UTRN: variants seen among roughly 807,000 people sequenced by gnomAD.
The protein encoded by UTRN is dystrophin-related protein 1.
UTRN carries 283 observed loss-of-function variants against 463.9 expected under a neutral mutation model. The observed-to-expected ratio is 0.61, with a 90% CI of 0.55 to 0.67. The LOEUF is 0.67. Ranked by LOEUF, UTRN falls within the 30% of genes least tolerant of loss-of-function variation. The probability of loss-of-function intolerance (pLI) is 0.00; values close to 1 mark genes in which losing one functional copy is unlikely to be tolerated. For synonymous variants in UTRN, 1,442 were observed against 1,431.5 expected (o/e 1.01, Z -0.17); for missense variants, 3,922 against 4,084.3 (o/e 0.96, Z 1.08).
intron 51 of UTRN, among the ~76,000 whole-genome samples, chr6:144,588,243 C>T (rs1291595588): frequency 6.6e-6 from 1 of 152,060 alleles, no homozygotes; most frequent in African/African-American, 2.4e-5. Context: ...AGCTCTTGGA[C>T]CTCTGTTTTG....
At chr6:144,428,217 G>A (rs1214034093) in intron 7 of UTRN, among the ~76,000 whole-genome samples, 1 of 152,160 alleles carries the variant, frequency 6.6e-6, no homozygotes, top group Non-Finnish European at 1.5e-5. Context: ...GTAGTAGCAT[G>A]GAAGCAGGGG....
chr6:144,363,396 G>T (rs563901134), intron 2 of UTRN, among the ~76,000 whole-genome samples: 1 of 152,322 alleles, frequency 6.6e-6, no homozygotes, highest in East Asian at 1.9e-4. Context: ...CTGGTGAGGT[G>T]TAAGATGGTT....
At chr6:144,614,253 A>G (rs974704987) in intron 51 of UTRN, among the ~76,000 whole-genome samples, 5 of 152,140 alleles carry the variant, frequency 3.3e-5, no homozygotes, top group African/African-American at 9.7e-5. Flanking sequence ...ATATAAATTC[A>G]AATATTATCT....
At chr6:144,788,583 G>GTTTTTTTTTTTTTTTTTTTT (rs1776489103) in intron 61 of UTRN, among the ~76,000 whole-genome samples, 1 of 74,380 alleles carries the variant, frequency 1.3e-5, no homozygotes. Flanking sequence ...TTTTTTTTTT[G>GTTTTTTTTTTTTTTTTTTTT]AGATGGAGTC....
chr6:144,354,387 G>A (rs554236075), intron 2 of UTRN, among the ~76,000 whole-genome samples: 16 of 152,310 alleles, frequency 1.1e-4, no homozygotes, highest in African/African-American at 3.6e-4. Flanking sequence ...TTCTTCCACC[G>A]AAAGGACAAT....
intron 2 of UTRN, among the ~76,000 whole-genome samples, chr6:144,388,040 A>G (rs983644854): frequency 1.3e-5 from 2 of 152,246 alleles, no homozygotes; most frequent in African/African-American, 4.8e-5. Context: ...GGTGCATTAA[A>G]GAAAAAATGT....
intron 3 of UTRN, among the ~76,000 whole-genome samples, chr6:144,418,557 GTTGTTTGT>G (rs375309361): frequency 1.3e-5 from 2 of 150,748 alleles, no homozygotes; most frequent in Admixed American, 6.6e-5. Flanking sequence ...TTTTGTTGTT[GTTGTTTGT>G]TTGTTTGTTT....
At chr6:144,600,992 C>A (rs935113226) in intron 51 of UTRN, among the ~76,000 whole-genome samples, 2 of 152,126 alleles carry the variant, frequency 1.3e-5, no homozygotes, top group Non-Finnish European at 2.9e-5. Flanking sequence ...ATAAATGGAA[C>A]AACAAAGCCT....
At chr6:144,789,380 T>C in intron 62 of UTRN, 101 bp downstream of exon 62, 1 of 1,020,832 alleles carries the variant, frequency 9.8e-7, no homozygotes. Flanking sequence ...GTAGTAATAG[T>C]TCTCTCTCTT....
chr6:144,825,379 C>G lies in UTRN; in HGVS notation c.9495-1969C>G, dbSNP rs532816964. 5.9e-5 allele frequency among the ~76,000 whole-genome samples: 9 copies of G among 152,268 alleles called. No individual in the cohort carries two copies. In the South Asian group the frequency reaches 1.5e-3, roughly 25 times the overall value. Reference sequence around the variant, plus strand: ...GTAACTATGCAGTTTCTTATTTTCTCCTTTCAGAATTAAATGAAAAAGCTT... The same window carrying G: ...GTAACTATGCAGTTTCTTATTTTCTGCTTTCAGAATTAAATGAAAAAGCTT... On this transcript the variant is annotated intron_variant, in intron 66 of 74. Coordinates refer to ENST00000367545, the MANE Select transcript of UTRN (RefSeq NM_007124.3).
At chr6:144,434,782 G>A (rs1786370204) in intron 9 of UTRN, among the ~76,000 whole-genome samples, 1 of 152,134 alleles carries the variant, frequency 6.6e-6, no homozygotes, top group Non-Finnish European at 1.5e-5. Flanking sequence ...AGGAAACCAG[G>A]GCAGTGTCAC....
intron 2 of UTRN, among the ~76,000 whole-genome samples, chr6:144,390,441 T>C (rs561670444): frequency 6.6e-6 from 1 of 152,340 alleles, no homozygotes; most frequent in South Asian, 2.1e-4. Flanking sequence ...CTTCTGATCA[T>C]GTCACGCTCT....
chr6:144,463,821 T>G (rs1309164134), intron 23 of UTRN, among the ~76,000 whole-genome samples: 3 of 151,548 alleles, frequency 2.0e-5, no homozygotes, highest in Non-Finnish European at 2.9e-5. Flanking sequence ...TATCTATATA[T>G]ATAGATAGAT....
Position 144,678,340 on chromosome 6 carries a change from A to G in UTRN, c.7480-66A>G, listed in dbSNP as rs142597895. ...GAACTATTTTGCTTGAGAGCAACTCATCTGTGAATATAAAGATATACTGAT... is the reference window on the plus strand; with the variant it reads ...GAACTATTTTGCTTGAGAGCAACTCGTCTGTGAATATAAAGATATACTGAT... On this transcript the variant is annotated intron_variant, in intron 51 of 74. Coordinates refer to ENST00000367545, the MANE Select transcript of UTRN (RefSeq NM_007124.3). 88 of 1,471,534 alleles carry G rather than the reference A, an allele frequency of 6.0e-5. No individual in the cohort carries two copies. In the African/African-American group the frequency reaches 1.2e-3, roughly 20 times the overall value. The allele number at this position is 1,471,534 out of a possible 1,614,324, so 91.2% of individuals were successfully genotyped here.
chr6:144,455,690 C>T (rs1396966923), intron 19 of UTRN, among the ~76,000 whole-genome samples: 1 of 152,140 alleles, frequency 6.6e-6, no homozygotes, highest in Non-Finnish European at 1.5e-5. Context: ...TTGGATTCTC[C>T]TGTCCTTTTC....
At chr6:144,574,570 T>TG (rs978254238) in intron 50 of UTRN, among the ~76,000 whole-genome samples, 4 of 151,728 alleles carry the variant, frequency 2.6e-5, no homozygotes, top group Non-Finnish European at 5.9e-5. Flanking sequence ...AGACATATGG[T>TG]GGTTTTTTTT....
At chr6:144,740,830 A>G (rs1422029141) in intron 54 of UTRN, among the ~76,000 whole-genome samples, 2 of 152,188 alleles carry the variant, frequency 1.3e-5, no homozygotes, top group East Asian at 3.8e-4. Flanking sequence ...TATATGATAA[A>G]GATTTGTTTG....
rs1214911640 is a variant in UTRN at position 144,574,311 on chromosome 6, A to G, written c.7290-2788A>G. 9.2e-5 allele frequency among the ~76,000 whole-genome samples: 14 copies of G among 152,226 alleles called. 1 individual carries two copies. Among genetic ancestry groups the G allele is most frequent in the Admixed American group, 9.2e-4 (14 of 15,282 alleles). On this transcript the variant is annotated intron_variant, in intron 50 of 74. Coordinates refer to ENST00000367545, the MANE Select transcript of UTRN (RefSeq NM_007124.3). ...GGTTGATGACATTCAAGAATGTCAT[A>G]TAAACAGAATGTTAGTATGTAGTCT... is the stretch of plus-strand genomic sequence containing the variant.
intron 39 of UTRN, among the ~76,000 whole-genome samples, chr6:144,521,740 G>T (rs1458890344): frequency 6.6e-6 from 1 of 152,024 alleles, no homozygotes; most frequent in Non-Finnish European, 1.5e-5. Context: ...CTTAAAGCCT[G>T]TCAAATTAAT....
Sources: gnomAD v4.1 joint callset for allele counts (sites outside exome capture counted in the v4.1 genomes callset) on GRCh38, gnomAD v4.1.1 for gene constraint, MANE v1.5 for transcripts, NCBI Gene and HGNC (gene_info 2026-07-23, HGNC 2026-07-21) for gene names.